PTPRN2: variants seen among roughly 807,000 people sequenced by gnomAD.
PTPRN2 encodes the protein protein tyrosine phosphatase receptor type N2.
PTPRN2 carries 74 observed loss-of-function variants against 118.8 expected under a neutral mutation model. That is an observed-to-expected ratio of 0.62 (90% CI 0.52 to 0.76). PTPRN2 has a LOEUF of 0.76. Among genes scored for constraint, PTPRN2 ranks in the 30% least tolerant of loss-of-function variants. PTPRN2 has a pLI of 0.00. For synonymous variants in PTPRN2, 641 were observed against 608.0 expected, an observed-to-expected ratio of 1.05 and a Z score of -0.80; for missense variants, 1,481 against 1,394.4, an observed-to-expected ratio of 1.06 and a Z score of -0.99.
intron 2 of PTPRN2, among the ~76,000 whole-genome samples, chr7:158,401,780 G>A (rs1431812108): frequency 6.6e-6 from 1 of 152,218 alleles, no homozygotes; most frequent in Non-Finnish European, 1.5e-5. Context: ...ATTCCTAAGG[G>A]AGAAGCTGGG....
At chr7:157,579,277 T>C (rs1012262256) in intron 17 of PTPRN2, among the ~76,000 whole-genome samples, 3 of 152,224 alleles carry the variant, frequency 2.0e-5, no homozygotes, top group Admixed American at 6.5e-5. Context: ...CCAACTGAAG[T>C]ATTTACAAAA....
chr7:158,522,339 ACGT>A (rs1377474655), intron 1 of PTPRN2, among the ~76,000 whole-genome samples: 2 of 122,524 alleles, frequency 1.6e-5, no homozygotes, highest in African/African-American at 6.7e-5. Context: ...AGGGAGGTCC[ACGT>A]CACAATGGTG....
chr7:158,364,186 A>C (rs34317994), intron 2 of PTPRN2, among the ~76,000 whole-genome samples: 46 of 131,368 alleles, frequency 3.5e-4, no homozygotes, highest in African/African-American at 5.3e-4. Context: ...CATGCTTCCC[A>C]CAGCAGGGTC....
chr7:158,265,413 TGTGGG>T, intron 3 of PTPRN2, among the ~76,000 whole-genome samples: 1 of 145,708 alleles, frequency 6.9e-6, no homozygotes, highest in African/African-American at 2.5e-5. Context: ...GGCACACACC[TGTGGG>T]CACACACCTG....
intron 2 of PTPRN2, among the ~76,000 whole-genome samples, chr7:158,423,019 A>C (rs1360724742): frequency 6.6e-6 from 1 of 152,272 alleles, no homozygotes. Context: ...GATAGGAACC[A>C]TGGCCGATAA....
chr7:158,381,649 A>AT (rs1810972396), intron 2 of PTPRN2, among the ~76,000 whole-genome samples: 1 of 152,024 alleles, frequency 6.6e-6, no homozygotes, highest in South Asian at 2.1e-4. Context: ...TTGCTTCCAC[A>AT]TTTTTGGTTA....
intron 16 of PTPRN2, among the ~76,000 whole-genome samples, chr7:157,600,917 T>C (rs1434803041): frequency 6.6e-6 from 1 of 152,250 alleles, no homozygotes; most frequent in African/African-American, 2.4e-5. Context: ...TGTCCCTACA[T>C]AGTTAAATGC....
At chr7:157,955,172 AAG>A (rs763893809) in intron 11 of PTPRN2, among the ~76,000 whole-genome samples, 1 of 152,146 alleles carries the variant, frequency 6.6e-6, no homozygotes, top group Non-Finnish European at 1.5e-5. Context: ...TCACACTAAA[AAG>A]CAGCTTGGTG....
At chr7:157,818,014 C>T (rs539391698) in intron 12 of PTPRN2, among the ~76,000 whole-genome samples, 38 of 150,052 alleles carry the variant, frequency 2.5e-4, no homozygotes, top group Non-Finnish European at 1.5e-4. Context: ...GGCATGTGTG[C>T]GGTGTGTGTA....
chr7:158,452,036 C>A (rs1364635107), intron 2 of PTPRN2, among the ~76,000 whole-genome samples: 1 of 152,124 alleles, frequency 6.6e-6, no homozygotes, highest in African/African-American at 2.4e-5. Flanking sequence ...TTTTCCCCAC[C>A]GATTTAAAAT....
At chr7:158,534,161 C>T (rs1206778324) in intron 1 of PTPRN2, among the ~76,000 whole-genome samples, 10 of 85,124 alleles carry the variant, frequency 1.2e-4, no homozygotes, top group Non-Finnish European at 1.2e-4. Context: ...TGACCACCCA[C>T]ACCCCGGGCT....
rs1321315905 is a variant in PTPRN2, at chr7:158,219,286, T to C, written c.278-14013A>G. On this transcript the variant is annotated intron_variant, in intron 3 of 22. Transcript: ENST00000389418. ...GATCTCTCAAAACTATCCAGTTACA[T>C]CAAAATTAAACATTTTGCTCCTAGA... is the stretch of plus-strand genomic sequence containing the variant. 2.0e-5 allele frequency among the ~76,000 whole-genome samples: 3 copies of C among 152,124 alleles called. No homozygotes were observed. The East Asian group carries it at 5.8e-4, about 29-fold the overall frequency.
intron 5 of PTPRN2, among the ~76,000 whole-genome samples, chr7:158,178,604 T>C (rs1299469171): frequency 7.0e-6 from 1 of 142,634 alleles, no homozygotes; most frequent in Non-Finnish European, 1.5e-5. Flanking sequence ...TTTTTTTTTT[T>C]TTTTTTTTTT....
At chr7:158,007,320 A>G (rs1015604961) in intron 11 of PTPRN2, among the ~76,000 whole-genome samples, 1 of 152,002 alleles carries the variant, frequency 6.6e-6, no homozygotes, top group Non-Finnish European at 1.5e-5. Flanking sequence ...GTGGGCAGGA[A>G]GGGTAAGCAG....
intron 2 of PTPRN2, among the ~76,000 whole-genome samples, chr7:158,474,003 C>T (rs190649304): frequency 6.8e-4 from 103 of 152,280 alleles, no homozygotes; most frequent in African/African-American, 2.3e-3. Context: ...CTTTCTCCTA[C>T]GTCAGTGACA....
intron 11 of PTPRN2, among the ~76,000 whole-genome samples, chr7:158,047,974 A>T (rs1809007580): frequency 6.6e-6 from 1 of 152,172 alleles, no homozygotes; most frequent in South Asian, 2.1e-4. Flanking sequence ...CTCCTTGTTC[A>T]GGCATGAGGC....
At chr7:158,434,674 A>T (rs1250208049) in intron 2 of PTPRN2, among the ~76,000 whole-genome samples, 1 of 152,088 alleles carries the variant, frequency 6.6e-6, no homozygotes, top group African/African-American at 2.4e-5. Context: ...ATTTATATCG[A>T]CTATCTTACC....
In PTPRN2 at chr7:157,944,276, T is replaced by C. The variant is rs1159787429; in HGVS notation, c.1724-45539A>G. Among the ~76,000 whole-genome samples the C allele has an allele frequency of 1.3e-5, 2 of 152,124 alleles. No individual in the cohort carries two copies. The highest frequency in any genetic ancestry group is 1.9e-4 in the East Asian group (1 of 5,178). On this transcript the variant is annotated intron_variant, in intron 11 of 22. Transcript: ENST00000389418. The surrounding 1 kb of genome is among the most constrained non-coding windows in gnomAD (Gnocchi z 4.3). The stretch of plus-strand genomic sequence containing the variant: ...GAACGCCAGCCTGCCCCCACGGTCA[T>C]GTCCAGCTTAACCAACACACGGCCC...
intron 2 of PTPRN2, among the ~76,000 whole-genome samples, chr7:158,453,885 G>A (rs1484332983): frequency 6.7e-6 from 1 of 149,168 alleles, no homozygotes; most frequent in East Asian, 2.0e-4. Flanking sequence ...AAGACACAAT[G>A]CACACAATCA....
Sources: gnomAD v4.1 joint callset for allele counts (sites outside exome capture counted in the v4.1 genomes callset) on GRCh38, gnomAD v4.1.1 for gene constraint, Gnocchi (gnomAD v3.1) non-coding constraint, MANE v1.5 for transcripts, NCBI Gene and HGNC (gene_info 2026-07-23, HGNC 2026-07-21) for gene names.